Variants in ESR1 observed in about 807,000 individuals in gnomAD.
ESR1 encodes estrogen receptor.
In ESR1, 12 loss-of-function variants were observed where a neutral mutation model predicts 52.7. The ratio of observed to expected loss-of-function variants is 0.23; its 90% CI spans 0.15 to 0.37. The LOEUF (loss-of-function observed/expected upper bound fraction) is 0.37. ESR1 is among the 10% of genes least tolerant of loss of function. ESR1 has a pLI of 1.00. For synonymous variants in ESR1, 305 were observed against 316.8 expected (o/e 0.96, Z 0.39); for missense variants, 584 against 779.7 (o/e 0.75, Z 2.99).
At chr6:152,054,057 A>G (rs1002150283) in intron 5 of ESR1, among the ~76,000 whole-genome samples, 5 of 152,148 alleles carry the variant, frequency 3.3e-5, no homozygotes, top group African/African-American at 1.2e-4. Context: ...CTATTTGAAA[A>G]GATACCCAAT....
At chr6:151,749,319 G>C (rs1404946232) in intron 2 of ESR1, among the ~76,000 whole-genome samples, 2 of 151,944 alleles carry the variant, frequency 1.3e-5, no homozygotes, top group South Asian at 2.1e-4. Flanking sequence ...CATATTCATG[G>C]GATAAAAATG....
At chr6:151,982,270 T>C (rs2040061831) in intron 4 of ESR1, among the ~76,000 whole-genome samples, 1 of 152,240 alleles carries the variant, frequency 6.6e-6, no homozygotes, top group Non-Finnish European at 1.5e-5. Flanking sequence ...AATGTGCTTC[T>C]GGGTGTATTC....
chr6:152,005,642 C>G (rs1457052110), intron 4 of ESR1, among the ~76,000 whole-genome samples: 3 of 152,044 alleles, frequency 2.0e-5, no homozygotes, highest in African/African-American at 7.2e-5. Flanking sequence ...CTGCTAACCC[C>G]TTAATTTTTA....
chr6:152,063,764 G>T (rs192063480), intron 6 of ESR1, among the ~76,000 whole-genome samples: 1 of 152,144 alleles, frequency 6.6e-6, no homozygotes, highest in African/African-American at 2.4e-5. Flanking sequence ...AGCTGGAAAC[G>T]GCTCAGGAAA....
At chr6:151,705,156 G>A (rs922325918) in intron 2 of ESR1, among the ~76,000 whole-genome samples, 3 of 152,040 alleles carry the variant, frequency 2.0e-5, no homozygotes, top group African/African-American at 7.3e-5. Context: ...ACTTAATAGA[G>A]CTGACAGATT....
chr6:151,942,376 T>C (rs1236126290), intron 3 of ESR1, among the ~76,000 whole-genome samples: 2 of 152,186 alleles, frequency 1.3e-5, no homozygotes, highest in African/African-American at 4.8e-5. Flanking sequence ...GAGAATGATA[T>C]TGTACAAGTT....
upstream of ESR1, among the ~76,000 whole-genome samples, chr6:151,686,247 A>G (rs1778669609): frequency 6.6e-6 from 1 of 152,060 alleles, no homozygotes; most frequent in Non-Finnish European, 1.5e-5. Flanking sequence ...TATCCCTATA[A>G]GCTTGAACTA....
intron 4 of ESR1, among the ~76,000 whole-genome samples, chr6:151,982,488 AT>A (rs912168497): frequency 3.3e-4 from 49 of 147,974 alleles, no homozygotes; most frequent in East Asian, 9.8e-4. Context: ...CAAAGTTAAT[AT>A]TTTTTTTTTT....
chr6:152,127,349 G>T (rs1332656632), exon 7 of ESR1: 1 of 152,104 alleles, frequency 6.6e-6, no homozygotes, highest in Non-Finnish European at 1.5e-5. Flanking sequence ...TCTTGTGAGG[G>T]TTAAATGAGG....
At chr6:151,664,868 C>T (rs9397442) in intron 1 of ESR1, among the ~76,000 whole-genome samples, 32,056 of 151,998 alleles carry the variant, frequency 0.21, 4,742 homozygotes, top group East Asian at 0.69. Context: ...GAATTGAGAA[C>T]GAGGTAGGAA....
chr6:151,663,196 A>G (rs1395704449), intron 1 of ESR1, among the ~76,000 whole-genome samples: 1 of 152,222 alleles, frequency 6.6e-6, no homozygotes, highest in Non-Finnish European at 1.5e-5. Context: ...CTGGAATGGC[A>G]CTGAGATTGT....
intron 2 of ESR1, among the ~76,000 whole-genome samples, chr6:151,870,987 G>A (rs1314396102): frequency 6.6e-6 from 1 of 151,904 alleles, no homozygotes; most frequent in Non-Finnish European, 1.5e-5. Flanking sequence ...GAGTAACTGG[G>A]ATGACAGGAC....
At chr6:151,838,933 G>C (rs1215519680) in intron 1 of ESR1, among the ~76,000 whole-genome samples, 2 of 151,992 alleles carry the variant, frequency 1.3e-5, no homozygotes, top group Non-Finnish European at 2.9e-5. Context: ...GAGGAAAATG[G>C]GCTCTCGCTA....
chr6:151,905,404 C>T (rs1797287735), intron 3 of ESR1, among the ~76,000 whole-genome samples: 1 of 152,094 alleles, frequency 6.6e-6, no homozygotes, highest in African/African-American at 2.4e-5. Context: ...TGTGCAACTG[C>T]AAATAAATGT....
chr6:152,075,810 C>T (rs67737839), intron 6 of ESR1, among the ~76,000 whole-genome samples: 31,024 of 151,694 alleles, frequency 0.2, 4,319 homozygotes, highest in African/African-American at 0.39. Flanking sequence ...ATGCTCAGAT[C>T]GTATGTCATT....
intron 6 of ESR1, among the ~76,000 whole-genome samples, chr6:152,083,588 A>G (rs1295825329): frequency 6.6e-6 from 1 of 152,242 alleles, no homozygotes; most frequent in Non-Finnish European, 1.5e-5. Context: ...TGGCATCAAA[A>G]GCCAAAATAG....
At chr6:151,747,406 T>C (rs1783564485) in intron 2 of ESR1, among the ~76,000 whole-genome samples, 1 of 152,252 alleles carries the variant, frequency 6.6e-6, no homozygotes, top group South Asian at 2.1e-4. Flanking sequence ...CCCAGGTTTA[T>C]GATGATAGAC....
At chr6:151,747,630 G>C (rs929096970) in intron 2 of ESR1, among the ~76,000 whole-genome samples, 2 of 152,072 alleles carry the variant, frequency 1.3e-5, no homozygotes, top group African/African-American at 4.8e-5. Context: ...AAGCTCAGTG[G>C]TTTTCAGTAC....
intron 3 of ESR1, among the ~76,000 whole-genome samples, chr6:151,890,333 C>T (rs1402896889): frequency 6.6e-6 from 1 of 152,092 alleles, no homozygotes; most frequent in African/African-American, 2.4e-5. Flanking sequence ...ATGATCTGCC[C>T]ACCTTAGCCT....
Sources: allele counts gnomAD v4.1 joint callset (sites outside exome capture counted in the v4.1 genomes callset), GRCh38; gene constraint gnomAD v4.1.1; transcripts MANE v1.5; gene names NCBI Gene and HGNC (gene_info 2026-07-23, HGNC 2026-07-21).